NSG1: variants seen among roughly 807,000 people sequenced by gnomAD.
NSG1 encodes neuronal vesicle trafficking associated 1.
NSG1 carries 9 observed loss-of-function variants against 19.3 expected under a neutral mutation model. The ratio of observed to expected loss-of-function variants is 0.47; its 90% CI spans 0.28 to 0.81. The LOEUF is 0.81. Among genes scored for constraint, NSG1 ranks in the 40% least tolerant of loss-of-function variants. The pLI is 0.11. For synonymous variants in NSG1, 104 were observed against 107.0 expected (o/e 0.97, Z 0.17); for missense variants, 236 against 242.4 (o/e 0.97, Z 0.18).
At position 4,417,455 on chromosome 4, in the gene NSG1, A is replaced by G; in HGVS notation, c.*20A>G. On this transcript the variant is annotated 3_prime_UTR_variant, in exon 5 of 5. Transcript: ENST00000621129. ...GCTTAGCGGGATGGGCAAGTTCCTT[A>G]CAATGTGTCACTTGCAAATAACAAA... 1 of 1,607,550 alleles carries G rather than the reference A, an allele frequency of 6.2e-7. No individual in the cohort carries two copies. Among genetic ancestry groups the G allele is most frequent in the Non-Finnish European group, 8.5e-7 (1 of 1,174,098 alleles).
At chr4:4,407,091 CCTGT>C (rs1235872747) in intron 3 of NSG1, among the ~76,000 whole-genome samples, 3 of 152,212 alleles carry the variant, frequency 2.0e-5, no homozygotes, top group Non-Finnish European at 4.4e-5. Context: ...CTGGCTCCAT[CCTGT>C]CTGTGTCCCT....
intron 3 of NSG1, among the ~76,000 whole-genome samples, chr4:4,407,810 G>A (rs1418854656): frequency 6.6e-6 from 1 of 152,114 alleles, no homozygotes; most frequent in Non-Finnish European, 1.5e-5. Context: ...AGAGGTTAAG[G>A]GGCTTCCAAG....
intron 4 of NSG1, among the ~76,000 whole-genome samples, chr4:4,413,671 C>T (rs73793277): frequency 0.021 from 3,108 of 151,522 alleles, 100 homozygotes; most frequent in African/African-American, 0.072. Flanking sequence ...AACCAGCTTA[C>T]GGCCAGAGCG....
At chr4:4,392,380 C>T (rs1311967121) in intron 3 of NSG1, among the ~76,000 whole-genome samples, 2 of 152,292 alleles carry the variant, frequency 1.3e-5, no homozygotes, top group South Asian at 2.1e-4. Flanking sequence ...AATTGAGAGA[C>T]ATCAGTGGGC....
chr4:4,399,182 G>A (rs773514078), intron 3 of NSG1, among the ~76,000 whole-genome samples: 45 of 152,060 alleles, frequency 3.0e-4, no homozygotes, highest in Admixed American at 2.2e-3. Context: ...TCACTCTGTC[G>A]CCGAGGCTGG....
chr4:4,413,619 G>A (rs902247119), intron 4 of NSG1, among the ~76,000 whole-genome samples: 3 of 151,562 alleles, frequency 2.0e-5, no homozygotes, highest in African/African-American at 7.3e-5. Context: ...GGGGTGTGCT[G>A]GTGGGGGGCT....
In NSG1 at chr4:4,409,703, C is replaced by T. The variant is rs777833490; in HGVS notation, c.357+20C>T. Reference sequence around the variant, plus strand: ...CTCAAGGTAAAACTCCGTTTTCCCCCAGAGGCCCTGGGACGCCTTTGCACC... The same window carrying T: ...CTCAAGGTAAAACTCCGTTTTCCCCTAGAGGCCCTGGGACGCCTTTGCACC... On this transcript the variant is annotated intron_variant, in intron 4 of 4. Transcript: ENST00000621129. 1.0e-5 allele frequency: 16 copies of T among 1,593,226 alleles called. No individual in the cohort carries two copies. The highest frequency in any genetic ancestry group is 1.3e-5 in the African/African-American group (1 of 74,502).
At chr4:4,403,368 T>A (rs1304020940) in intron 3 of NSG1, among the ~76,000 whole-genome samples, 1 of 152,238 alleles carries the variant, frequency 6.6e-6, no homozygotes, top group Non-Finnish European at 1.5e-5. Flanking sequence ...AGGCAGACAC[T>A]GTTTCCCTGC....
intron 3 of NSG1, among the ~76,000 whole-genome samples, chr4:4,404,243 G>A (rs115572225): frequency 0.012 from 1,817 of 152,338 alleles, 36 homozygotes; most frequent in African/African-American, 0.042. Context: ...AAAGAAAGGC[G>A]TTGAATTGGA....
At chr4:4,404,083 T>A (rs1723717377) in intron 3 of NSG1, among the ~76,000 whole-genome samples, 1 of 152,220 alleles carries the variant, frequency 6.6e-6, no homozygotes, top group Admixed American at 6.5e-5. Flanking sequence ...GCAGCCACAG[T>A]TGAGTCCATT....
intron 4 of NSG1, among the ~76,000 whole-genome samples, chr4:4,410,770 C>T (rs767552268): frequency 5.3e-5 from 8 of 152,082 alleles, no homozygotes; most frequent in African/African-American, 9.7e-5. Flanking sequence ...GACGAGTGAG[C>T]GCTGGACATG....
At chr4:4,412,937 G>A (rs1439635368) in intron 4 of NSG1, among the ~76,000 whole-genome samples, 2 of 152,130 alleles carry the variant, frequency 1.3e-5, no homozygotes, top group South Asian at 2.1e-4. Context: ...ATATGAGGAC[G>A]CAGAGAGTCC....
At position 4,417,890 on chromosome 4, in the gene NSG1, G is replaced by A. The variant is rs1049510271; in HGVS notation, c.*455G>A. 1.6e-5 allele frequency: 4 copies of A among 248,018 alleles called. No homozygotes were observed. Among genetic ancestry groups the A allele is most frequent in the African/African-American group, 7.0e-5 (3 of 42,984 alleles). The allele number at this position is 248,018 out of a possible 1,614,324, so 15.4% of individuals were successfully genotyped here. ...GCATTTCTTCCTCGGCCATCAGCGGGTAACAGTGCTGACTGCTGCCAAGGT... is the reference window on the plus strand; with the variant it reads ...GCATTTCTTCCTCGGCCATCAGCGGATAACAGTGCTGACTGCTGCCAAGGT... On this transcript the variant is annotated 3_prime_UTR_variant, in exon 5 of 5. Transcript: ENST00000621129.
chr4:4,396,449 A>G (rs1283280463), intron 3 of NSG1, among the ~76,000 whole-genome samples: 2 of 152,162 alleles, frequency 1.3e-5, no homozygotes, highest in East Asian at 1.9e-4. Flanking sequence ...ACCGGGTACC[A>G]TGTCACCCTG....
In NSG1 at chr4:4,415,909, G is replaced by A. The variant is rs1577298483; in HGVS notation, c.358-1326G>A. On this transcript the variant is annotated intron_variant, in intron 4 of 4. Transcript: ENST00000621129. ...GTCTGGCCTGCAGAGCCTCCTTCCT[G>A]ATGCACGCGCTGCTGGTCTGAATGG... The A allele has an allele frequency of 7.0e-6, 4 of 575,104 alleles. No homozygotes were observed. In the East Asian group the frequency reaches 1.2e-4, roughly 17 times the overall value. 35.6% of individuals were successfully genotyped at this position (575,104 alleles called of 1,614,324 possible).
At chr4:4,416,734 G>C (rs1157041743) in intron 4 of NSG1, among the ~76,000 whole-genome samples, 2 of 151,444 alleles carry the variant, frequency 1.3e-5, no homozygotes, top group Non-Finnish European at 2.9e-5. Flanking sequence ...GTGGCTCTGT[G>C]TGCCTCTTCT....
At chr4:4,411,165 T>G (rs1207796545) in intron 4 of NSG1, among the ~76,000 whole-genome samples, 1 of 152,212 alleles carries the variant, frequency 6.6e-6, no homozygotes, top group Non-Finnish European at 1.5e-5. Flanking sequence ...CAATAAACTT[T>G]TAAAATGTAA....
intron 2 of NSG1, among the ~76,000 whole-genome samples, chr4:4,389,156 CT>C (rs1352639567): frequency 6.6e-6 from 1 of 152,270 alleles, no homozygotes; most frequent in Non-Finnish European, 1.5e-5. Flanking sequence ...GGTGATTCCC[CT>C]CACTTGGCCT....
rs76288416 is a variant in NSG1 at position 4,404,392 on chromosome 4, G to T, written c.247-5181G>T. On this transcript the variant is annotated intron_variant, in intron 3 of 4. Coordinates refer to ENST00000621129, the MANE Select transcript of NSG1 (RefSeq NM_014392.5). ...GTCTCCTGCACACCCCATCATAGACGCAGGTGCTGGGCCGGCATCCCCCTT... is the reference window on the plus strand; with the variant it reads ...GTCTCCTGCACACCCCATCATAGACTCAGGTGCTGGGCCGGCATCCCCCTT... Among the ~76,000 whole-genome samples, 741 of 152,328 alleles carry T rather than the reference G, an allele frequency of 4.9e-3. 6 individuals carry two copies. The highest frequency in any genetic ancestry group is 0.016 in the African/African-American group (676 of 41,570).
Sources: gnomAD v4.1 joint callset for allele counts (sites outside exome capture counted in the v4.1 genomes callset) on GRCh38, gnomAD v4.1.1 for gene constraint, MANE v1.5 for transcripts, NCBI Gene and HGNC (gene_info 2026-07-23, HGNC 2026-07-21) for gene names.